MINDY3: variants seen among roughly 807,000 people sequenced by gnomAD.
The protein encoded by MINDY3 is MINDY lysine 48 deubiquitinase 3, also known as ubiquitin carboxyl-terminal hydrolase MINDY-3.
Under a neutral mutation model 69.2 loss-of-function variants are expected in MINDY3, and 38 were observed. The observed-to-expected ratio is 0.55, with a 90% CI of 0.42 to 0.72. The LOEUF is 0.72. Among genes scored for constraint, MINDY3 ranks in the 30% least tolerant of loss-of-function variants. MINDY3 has a pLI of 0.00. For synonymous variants in MINDY3, 192 were observed against 180.1 expected, an observed-to-expected ratio of 1.07 and a Z score of -0.53; for missense variants, 522 against 519.0, an observed-to-expected ratio of 1.01 and a Z score of -0.06.
At chr10:15,822,641 G>A (rs1386285469) in intron 8 of MINDY3, among the ~76,000 whole-genome samples, 2 of 152,132 alleles carry the variant, frequency 1.3e-5, no homozygotes, top group Non-Finnish European at 2.9e-5. Context: ...CATGAGTTTG[G>A]TTTTAGCTAA....
chr10:15,819,084 G>A (rs1035274834), intron 9 of MINDY3, among the ~76,000 whole-genome samples: 2 of 152,138 alleles, frequency 1.3e-5, no homozygotes, highest in Non-Finnish European at 2.9e-5. Flanking sequence ...GAGGGAGAGT[G>A]CAGGAGGGAG....
chr10:15,778,918 C>G lies in MINDY3; in HGVS notation c.*74G>C. On this transcript the variant is annotated 3_prime_UTR_variant, in exon 15 of 15. Coordinates refer to ENST00000277632, the MANE Select transcript of MINDY3 (RefSeq NM_024948.4). ...CAGTGATACCAGTGTTTAGCTTAAT[C>G]CAGCCAATTGCCAGTCTTGACTCCT... 1 of 1,356,904 alleles carries G rather than the reference C, an allele frequency of 7.4e-7. No individual in the cohort carries two copies. The highest frequency in any genetic ancestry group is 1.4e-5 in the African/African-American group (1 of 69,088). The allele number at this position is 1,356,904 out of a possible 1,614,324, so 84.1% of individuals were successfully genotyped here.
chr10:15,804,563 A>C (rs140898986), intron 10 of MINDY3, among the ~76,000 whole-genome samples: 327 of 152,298 alleles, frequency 2.1e-3, no homozygotes, highest in African/African-American at 7.3e-3. Flanking sequence ...ATCTAACTTC[A>C]AGAATGACTG....
intron 1 of MINDY3, among the ~76,000 whole-genome samples, chr10:15,850,064 T>C (rs1834171170): frequency 6.6e-6 from 1 of 152,216 alleles, no homozygotes; most frequent in South Asian, 2.1e-4. Context: ...CCCAAATTAA[T>C]ACTTTTATAA....
chr10:15,847,673 C>T (rs1332360076), intron 2 of MINDY3, among the ~76,000 whole-genome samples, 191 bp downstream of exon 2: 1 of 152,112 alleles, frequency 6.6e-6, no homozygotes, highest in African/African-American at 2.4e-5. Context: ...CAAAAGGCTA[C>T]TATTGCACAA....
At chr10:15,834,098 C>T (rs566829902) in intron 7 of MINDY3, among the ~76,000 whole-genome samples, 1 of 151,822 alleles carries the variant, frequency 6.6e-6, no homozygotes, top group Non-Finnish European at 1.5e-5. Flanking sequence ...AAAAGAAGGA[C>T]TCACGTATTA....
At chr10:15,789,796 C>CAAAGGTATTCT (rs1661824545) in intron 11 of MINDY3, among the ~76,000 whole-genome samples, 1 of 151,922 alleles carries the variant, frequency 6.6e-6, no homozygotes, top group Admixed American at 6.6e-5. Flanking sequence ...AGATTAACAG[C>CAAAGGTATTCT]AAAGGTATTC....
chr10:15,779,605 T>C (rs768125909), intron 14 of MINDY3, among the ~76,000 whole-genome samples: 8 of 152,194 alleles, frequency 5.3e-5, no homozygotes, highest in Non-Finnish European at 1.0e-4. Context: ...CTCCTTCTAA[T>C]TTAAGTATTG....
intron 13 of MINDY3, among the ~76,000 whole-genome samples, chr10:15,784,510 C>T (rs1048738094): frequency 6.6e-6 from 1 of 152,114 alleles, no homozygotes; most frequent in African/African-American, 2.4e-5. Context: ...TTTGGAAGGC[C>T]AGGACGGGTG....
intron 8 of MINDY3, among the ~76,000 whole-genome samples, chr10:15,832,820 A>T (rs1832824903): frequency 6.6e-6 from 1 of 152,208 alleles, no homozygotes; most frequent in Non-Finnish European, 1.5e-5. Context: ...GAATTTGAGA[A>T]AAATTCAAAT....
At chr10:15,780,211 T>C (rs1359479240) in intron 14 of MINDY3, among the ~76,000 whole-genome samples, 2 of 152,218 alleles carry the variant, frequency 1.3e-5, no homozygotes, top group African/African-American at 4.8e-5. Context: ...ACATTAAATA[T>C]AGGAATAGAA....
At chr10:15,840,749 C>T (rs762765390) in intron 4 of MINDY3, among the ~76,000 whole-genome samples, 11 of 151,700 alleles carry the variant, frequency 7.3e-5, no homozygotes, top group African/African-American at 9.6e-5. Context: ...AACTAGCTTC[C>T]GTACCACTAG....
intron 1 of MINDY3, among the ~76,000 whole-genome samples, chr10:15,855,668 C>T (rs1411944698): frequency 6.6e-6 from 1 of 152,124 alleles, no homozygotes; most frequent in Non-Finnish European, 1.5e-5. Context: ...TACATATACA[C>T]ATTTTGCACA....
At chr10:15,851,203 T>A (rs1270513313) in intron 1 of MINDY3, among the ~76,000 whole-genome samples, 1 of 152,200 alleles carries the variant, frequency 6.6e-6, no homozygotes. Context: ...TCCCCAGGTC[T>A]TGGTTTTAGG....
At chr10:15,815,071 T>G (rs1839264219) in intron 10 of MINDY3, among the ~76,000 whole-genome samples, 1 of 152,220 alleles carries the variant, frequency 6.6e-6, no homozygotes, top group Non-Finnish European at 1.5e-5. Flanking sequence ...AGAATAAGGT[T>G]GCAGACAAAC....
intron 8 of MINDY3, among the ~76,000 whole-genome samples, chr10:15,822,805 A>T (rs561413205): frequency 6.6e-6 from 1 of 152,292 alleles, no homozygotes; most frequent in South Asian, 2.1e-4. Context: ...GAAGTGGGTA[A>T]GTCAGAACAG....
At position 15,816,852 on chromosome 10, in the gene MINDY3, T is replaced by G; in HGVS notation, c.865A>C (p.Thr289Pro). The change falls in exon 10 of 15, where the codon ACC (threonine) becomes CCC (proline). Residue 289 changes from threonine to proline, a missense_variant. Thr to Pro is a conservative substitution (Grantham distance 38). Coordinates refer to ENST00000277632, the MANE Select transcript of MINDY3 (RefSeq NM_024948.4). ...AAGCATACCTTGGCAAAAAATACGG[T>G]GAGGTGAGTCTCACTGCCAACAATC... ...IWIVGSETHL[T>P]VFFAKDMALV... 6.2e-7 allele frequency: 1 copy of G among 1,612,996 alleles called. No individual in the cohort carries two copies. The highest frequency in any genetic ancestry group is 8.5e-7 in the Non-Finnish European group (1 of 1,179,406).
chr10:15,856,226 C>A (rs1399412317), intron 1 of MINDY3, among the ~76,000 whole-genome samples: 1 of 151,652 alleles, frequency 6.6e-6, no homozygotes, highest in Admixed American at 6.6e-5. Flanking sequence ...GCCTTTAAAC[C>A]TTAAATTAAC....
chr10:15,801,005 T>C (rs867241928), intron 10 of MINDY3, among the ~76,000 whole-genome samples: 58 of 152,320 alleles, frequency 3.8e-4, no homozygotes, highest in African/African-American at 1.4e-3. Flanking sequence ...AAAGGATGGT[T>C]TGATAATTTT....
Sources: allele counts gnomAD v4.1 joint callset (sites outside exome capture counted in the v4.1 genomes callset), GRCh38; gene constraint gnomAD v4.1.1; transcripts MANE v1.5; gene names NCBI Gene and HGNC (gene_info 2026-07-23, HGNC 2026-07-21).